The following WHRN variants were observed in gnomAD, a reference collection of about 807,000 sequenced individuals.
WHRN encodes whirlin, also known as CASK-interacting protein CIP98.
Under a neutral mutation model 68.3 loss-of-function variants are expected in WHRN, and 41 were observed. The ratio of observed to expected loss-of-function variants is 0.60; its 90% CI spans 0.47 to 0.78. The LOEUF (loss-of-function observed/expected upper bound fraction) is 0.78. Ranked by LOEUF, WHRN falls within the 30% of genes least tolerant of loss-of-function variation. WHRN has a pLI of 0.00. For missense variants in WHRN, 1,243 were observed against 1,244.7 expected (o/e 1.00, Z 0.02); for synonymous variants, 560 against 561.3 (o/e 1.00, Z 0.03).
intron 7 of WHRN, among the ~76,000 whole-genome samples, chr9:114,409,809 C>T (rs897131598): frequency 2.0e-5 from 3 of 151,976 alleles, no homozygotes; most frequent in African/African-American, 7.2e-5. Context: ...CAGCTAAAAT[C>T]GTAACCTTCC....
Position 114,504,919 on chromosome 9 carries a change from T to C in WHRN, c.-118A>G. Reference sequence around the variant, plus strand: ...GAGCGCGGAGACGACGGCTGGAGCCTGGGTTTGGGGAGCACGGGTACAGTG... The same window carrying C: ...GAGCGCGGAGACGACGGCTGGAGCCCGGGTTTGGGGAGCACGGGTACAGTG... On this transcript the variant is annotated 5_prime_UTR_variant, in exon 1 of 12. Coordinates refer to ENST00000362057, the MANE Select transcript of WHRN (RefSeq NM_015404.4). The C allele has an allele frequency of 7.6e-7, 1 of 1,309,080 alleles. No individual in the cohort carries two copies. Among genetic ancestry groups the C allele is most frequent in the South Asian group, 2.2e-5 (1 of 46,348 alleles). 81.1% of individuals were successfully genotyped at this position (1,309,080 alleles called of 1,614,324 possible). A position where few individuals can be genotyped will look rare whatever the true frequency, so the allele number is the denominator to read the frequency against.
At chr9:114,420,673 C>G (rs528536892) in intron 7 of WHRN, among the ~76,000 whole-genome samples, 172 of 152,216 alleles carry the variant, frequency 1.1e-3, no homozygotes, top group African/African-American at 3.7e-3. Context: ...CTAGCACTTT[C>G]CAGACCCTCC....
chr9:114,444,466 T>A (rs1231678349), intron 3 of WHRN, among the ~76,000 whole-genome samples: 1 of 151,626 alleles, frequency 6.6e-6, no homozygotes, highest in Non-Finnish European at 1.5e-5. Flanking sequence ...CAATTAAACT[T>A]AAAAAAAATT....
chr9:114,466,375 C>T lies in WHRN; in HGVS notation c.855G>A (p.Gly285=), dbSNP rs1564189024. The T allele has an allele frequency of 6.2e-7, 1 of 1,614,064 alleles. No homozygotes were observed. The highest frequency in any genetic ancestry group is 2.2e-5 in the East Asian group (1 of 44,878). Residue 285 remains glycine (G), a synonymous_variant, in exon 3 of 12, where the codon GGG becomes GGA. Transcript: ENST00000362057. ...TCGTGAGGCCCAGGGACCGGCCGTCCCCCAGCACCAGGTTCACCTGTCAGA... is the reference window on the plus strand; with the variant it reads ...TCGTGAGGCCCAGGGACCGGCCGTCTCCCAGCACCAGGTTCACCTGTCAGA... The part of the protein sequence containing the change: ...GDEKKVNLVL[G]DGRSLGLTIR...
chr9:114,450,754 C>A (rs1279854950), intron 3 of WHRN, among the ~76,000 whole-genome samples: 2 of 152,176 alleles, frequency 1.3e-5, no homozygotes, highest in East Asian at 3.9e-4. Context: ...TGCAACACCA[C>A]CAGGGAATGT....
intron 9 of WHRN, 120 bp from the exon 10 acceptor site, chr9:114,404,197 G>C: frequency 9.0e-7 from 1 of 1,107,646 alleles, no homozygotes; most frequent in South Asian, 1.3e-5. Context: ...GCAAAGATGG[G>C]GGAAGGAATG....
rs1350473837 is a variant in WHRN at position 114,426,378 on chromosome 9, G to A, written c.999C>T (p.Ser333=). 1.2e-6 allele frequency: 2 copies of A among 1,613,558 alleles called. No homozygotes were observed. The stretch of plus-strand genomic sequence containing the variant: ...CCTCGTCGTGTAGGATGTTGAGAAA[G>A]CTCCGCCCATTCACTTCTAGAATCT... ...GDQILEVNGR[S]FLNILHDEAV... is the part of the protein sequence containing the mutation. Residue 333 remains serine, a synonymous_variant, in exon 4 of 12, where the codon AGC becomes AGT. Coordinates refer to ENST00000362057, the MANE Select transcript of WHRN (RefSeq NM_015404.4).
At chr9:114,425,418 C>CT (rs1311541678) in intron 4 of WHRN, 1 of 529,634 alleles carries the variant, frequency 1.9e-6, no homozygotes. Context: ...CTCGCAGGTG[C>CT]GGCTCAGCTC....
intron 3 of WHRN, among the ~76,000 whole-genome samples, chr9:114,461,352 T>C (rs1378759785): frequency 2.6e-5 from 4 of 152,276 alleles, no homozygotes; most frequent in East Asian, 3.8e-4. Flanking sequence ...TGTTTCTCTA[T>C]GCATATTTTT....
chr9:114,504,028 G>A (rs1307976236), intron 1 of WHRN, among the ~76,000 whole-genome samples, 156 bp downstream of exon 1: 3 of 149,580 alleles, frequency 2.0e-5, no homozygotes, highest in Non-Finnish European at 3.0e-5. Flanking sequence ...TATTTGCTCT[G>A]TAAGCTATAC....
chr9:114,449,816 A>G (rs533920537), intron 3 of WHRN, among the ~76,000 whole-genome samples: 1 of 152,358 alleles, frequency 6.6e-6, no homozygotes, highest in East Asian at 1.9e-4. Flanking sequence ...CCAATCGCTT[A>G]GACAATTACA....
intron 7 of WHRN, among the ~76,000 whole-genome samples, chr9:114,420,335 C>A (rs1031804403): frequency 1.3e-5 from 2 of 152,186 alleles, no homozygotes; most frequent in African/African-American, 4.8e-5. Context: ...CGAGTCCCCA[C>A]TGCTCTAAAG....
chr9:114,429,594 C>T (rs1235583552), intron 3 of WHRN, among the ~76,000 whole-genome samples: 1 of 152,228 alleles, frequency 6.6e-6, no homozygotes, highest in South Asian at 2.1e-4. Flanking sequence ...GTTGAGAAGC[C>T]AGGGCCCCTG....
intron 7 of WHRN, among the ~76,000 whole-genome samples, chr9:114,418,164 G>C (rs1835963353): frequency 6.6e-6 from 1 of 152,210 alleles, no homozygotes; most frequent in Admixed American, 6.5e-5. Context: ...CCACCGGCAG[G>C]AAGGGTGGTA....
At chr9:114,471,844 A>G (rs1007104687) in intron 2 of WHRN, among the ~76,000 whole-genome samples, 1 of 152,214 alleles carries the variant, frequency 6.6e-6, no homozygotes, top group African/African-American at 2.4e-5. Flanking sequence ...GAACACAGGA[A>G]GAGAAGGGCC....
chr9:114,440,062 G>A (rs1400905354), intron 3 of WHRN, among the ~76,000 whole-genome samples: 5 of 152,104 alleles, frequency 3.3e-5, no homozygotes, highest in African/African-American at 9.7e-5. Context: ...ACAGGCATGC[G>A]CCAACATGCC....
Position 114,504,694 on chromosome 9 carries a change from A to G in WHRN, c.108T>C (p.Ser36=). Residue 36 remains serine (S), a synonymous_variant, in exon 1 of 12, where the codon TCT becomes TCC. Transcript: ENST00000362057. Reference sequence around the variant, plus strand: ...CTTGGTGCAGCTGGCGCACGTTGGCAGACAGTAACCGCAGCCCCGCGCCCC... The same window carrying G: ...CTTGGTGCAGCTGGCGCACGTTGGCGGACAGTAACCGCAGCCCCGCGCCCC... ...GGGGAGLRLL[S]ANVRQLHQAL... 1.9e-6 allele frequency: 3 copies of G among 1,587,758 alleles called. No individual in the cohort carries two copies. Among genetic ancestry groups the G allele is most frequent in the Non-Finnish European group, 1.7e-6 (2 of 1,172,810 alleles).
In WHRN at chr9:114,402,900, C is replaced by T; in HGVS notation, c.2578G>A (p.Val860Met). Residue 860 changes from valine to methionine, a missense_variant, in exon 12 of 12, where the codon GTG becomes ATG. Physicochemically the swap from Val to Met is conservative, Grantham distance 21. Coordinates refer to ENST00000362057, the MANE Select transcript of WHRN (RefSeq NM_015404.4). ...TTCACTTCCAGAATCACGTGGCCCA[C>T]CTTGAGCTGCCCACAGTTGTGAGCT... ...GSAHNCGQLKVGHVILEVNGL... is the reference protein window; with the variant it reads ...GSAHNCGQLKMGHVILEVNGL... 1 of 1,613,614 alleles carries T rather than the reference C, an allele frequency of 6.2e-7. No homozygotes were observed.
In WHRN at chr9:114,466,297, T is replaced by G. The variant is rs569159249; in HGVS notation, c.933A>C (p.Pro311=). ...GLGIYITGVD[P]GSEAEGSGLK... ...GCCCGCTGCCTTCTGCTTCAGAGCC[T>G]GGGTCCACGCCAGTGATGTAAATGC... Residue 311 remains proline, a synonymous_variant, in exon 3 of 12, where the codon CCA becomes CCC. Coordinates refer to ENST00000362057, the MANE Select transcript of WHRN (RefSeq NM_015404.4). 5.9e-4 allele frequency: 954 copies of G among 1,614,116 alleles called. 8 individuals carry two copies. The South Asian group carries it at 9.8e-3, about 17-fold the overall frequency.
Sources: allele counts gnomAD v4.1 joint callset (sites outside exome capture counted in the v4.1 genomes callset), GRCh38; gene constraint gnomAD v4.1.1; transcripts MANE v1.5; gene names NCBI Gene and HGNC (gene_info 2026-07-23, HGNC 2026-07-21).